Variants in PAQR5 observed in about 807,000 individuals in gnomAD.
PAQR5 encodes membrane progestin receptor gamma.
PAQR5 carries 20 observed loss-of-function variants against 34.5 expected under a neutral mutation model. The observed-to-expected ratio is 0.58, with a 90% confidence interval of 0.41 to 0.84. PAQR5 has a LOEUF of 0.84. PAQR5 is among the 40% of genes least tolerant of loss of function. The probability of loss-of-function intolerance (pLI) is 0.00; values close to 1 mark genes in which losing one functional copy is unlikely to be tolerated. For missense variants in PAQR5, 378 were observed against 412.7 expected, an observed-to-expected ratio of 0.92 and a Z score of 0.73; for synonymous variants, 131 against 155.6, an observed-to-expected ratio of 0.84 and a Z score of 1.18.
In PAQR5 at chr15:69,380,088, T is replaced by A. The variant is rs983337578; in HGVS notation, c.179+78T>A. On this transcript the variant is annotated intron_variant, in intron 4 of 8. Transcript: ENST00000395407. ...AGGGTGTCTTAAAACATGGCTAGTG[T>A]TGAGAGGGCTGAGATTCTGTGCTGG... 4.0e-5 allele frequency: 60 copies of A among 1,491,438 alleles called. No homozygotes were observed. In the African/African-American group the frequency reaches 8.1e-4, roughly 20 times the overall value. 92.4% of individuals were successfully genotyped at this position (1,491,438 alleles called of 1,614,324 possible).
At chr15:69,339,170 A>ACCCCCCCC (rs55878437) in intron 2 of PAQR5, among the ~76,000 whole-genome samples, 2 of 137,142 alleles carry the variant, frequency 1.5e-5, no homozygotes, top group African/African-American at 2.6e-5. Context: ...CACTGGCTAC[A>ACCCCCCCC]CCCCCCACCC....
In PAQR5 at chr15:69,385,410, G is replaced by A. The variant is rs1296130006; in HGVS notation, c.385+528G>A. Among the ~76,000 whole-genome samples the A allele has an allele frequency of 6.6e-6, 1 of 152,202 alleles. No homozygotes were observed. The highest frequency in any genetic ancestry group is 2.4e-5 in the African/African-American group (1 of 41,428). ...TGCTGGTCTCTGTCATGCCAGGCAA[G>A]AAGAGGAGGGTGAGGTCATGAGCCT... On this transcript the variant is annotated intron_variant, in intron 5 of 8. Coordinates refer to ENST00000395407, the MANE Select transcript of PAQR5 (RefSeq NM_017705.4). This position sits in a 1 kb window ranked among gnomAD's most constrained non-coding sequence, Gnocchi z 4.7.
At chr15:69,303,818 G>A (rs1264405751) in intron 1 of PAQR5, among the ~76,000 whole-genome samples, 3 of 152,136 alleles carry the variant, frequency 2.0e-5, no homozygotes, top group African/African-American at 4.8e-5. Flanking sequence ...TGCTCAGCAC[G>A]CCCCCCACAG....
At chr15:69,377,316 A>G (rs2055734402) in intron 3 of PAQR5, among the ~76,000 whole-genome samples, 1 of 152,202 alleles carries the variant, frequency 6.6e-6, no homozygotes, top group South Asian at 2.1e-4. Context: ...GTCCTCCTCC[A>G]CAGGATCAAA....
intron 3 of PAQR5, among the ~76,000 whole-genome samples, chr15:69,363,610 T>C (rs2055306075): frequency 2.1e-5 from 3 of 142,418 alleles, no homozygotes; most frequent in African/African-American, 7.7e-5. Context: ...GCAGTGGCAC[T>C]ATCATGACTC....
chr15:69,368,960 G>C (rs1216892337), intron 3 of PAQR5, among the ~76,000 whole-genome samples: 1 of 152,082 alleles, frequency 6.6e-6, no homozygotes, highest in African/African-American at 2.4e-5. Flanking sequence ...GTAGAGATGA[G>C]GGTGTCTCAC....
At chr15:69,352,201 C>T (rs937221759) in intron 2 of PAQR5, among the ~76,000 whole-genome samples, 7 of 152,134 alleles carry the variant, frequency 4.6e-5, no homozygotes, top group South Asian at 4.1e-4. Context: ...AAGGCCTTGC[C>T]GTCATCCACA....
At chr15:69,349,334 G>GC (rs1270438420) in intron 2 of PAQR5, among the ~76,000 whole-genome samples, 2 of 152,168 alleles carry the variant, frequency 1.3e-5, no homozygotes, top group African/African-American at 4.8e-5. Context: ...GTGAGTCCCA[G>GC]CAGGCCCCTG....
At chr15:69,389,606 T>A (rs556001808) in intron 5 of PAQR5, 48 bp from the exon 6 acceptor site, 2 of 1,611,916 alleles carry the variant, frequency 1.2e-6, no homozygotes, top group African/African-American at 2.7e-5. Context: ...GGGGCCCATG[T>A]GGTGCCAAGG....
intron 1 of PAQR5, among the ~76,000 whole-genome samples, chr15:69,319,448 G>C (rs2054044285): frequency 6.6e-6 from 1 of 151,580 alleles, no homozygotes; most frequent in South Asian, 2.1e-4. Flanking sequence ...GCTCAGAGCA[G>C]TTGTTCCCTC....
intron 1 of PAQR5, among the ~76,000 whole-genome samples, chr15:69,324,734 C>G (rs1015960746): frequency 2.6e-5 from 4 of 152,098 alleles, no homozygotes; most frequent in African/African-American, 9.7e-5. Flanking sequence ...ACTCTGGCCT[C>G]CTGCCACTCC....
chr15:69,400,130 G>A lies in PAQR5; in HGVS notation c.751+15G>A. On this transcript the variant is annotated intron_variant, in intron 8 of 8. Transcript: ENST00000395407. Reference sequence around the variant, plus strand: ...TGACTACATCGGTGAGTGGGCAACAGCCCTGCTGCTCTGCTCATTGCCCTC... The same window carrying A: ...TGACTACATCGGTGAGTGGGCAACAACCCTGCTGCTCTGCTCATTGCCCTC... The A allele has an allele frequency of 6.2e-7, 1 of 1,608,652 alleles. No individual in the cohort carries two copies. Among genetic ancestry groups the A allele is most frequent in the Non-Finnish European group, 8.5e-7 (1 of 1,177,262 alleles).
intron 1 of PAQR5, among the ~76,000 whole-genome samples, chr15:69,328,934 G>A (rs1595860030): frequency 1.3e-5 from 2 of 152,354 alleles, no homozygotes; most frequent in African/African-American, 4.8e-5. Flanking sequence ...CCAGTTTCCA[G>A]GGTGGGGCAG....
At chr15:69,341,795 A>G (rs1307585031) in intron 2 of PAQR5, among the ~76,000 whole-genome samples, 1 of 151,946 alleles carries the variant, frequency 6.6e-6, no homozygotes, top group Non-Finnish European at 1.5e-5. Flanking sequence ...AAATACAAAA[A>G]TTAGATGGTG....
intron 6 of PAQR5, among the ~76,000 whole-genome samples, chr15:69,395,814 G>A (rs901043301): frequency 3.3e-5 from 5 of 152,028 alleles, no homozygotes; most frequent in African/African-American, 1.2e-4. Context: ...CCTTCTCCTT[G>A]AGCTTCTCAC....
intron 4 of PAQR5, among the ~76,000 whole-genome samples, chr15:69,383,356 A>AGCGGGCCCTCC (rs2055975895): frequency 2.2e-5 from 3 of 137,030 alleles, no homozygotes; most frequent in South Asian, 2.3e-4. Context: ...GTGGAGGGTG[A>AGCGGGCCCTCC]GTGGGCCTTT....
intron 2 of PAQR5, among the ~76,000 whole-genome samples, chr15:69,340,346 G>A (rs2054612025): frequency 6.6e-6 from 1 of 152,062 alleles, no homozygotes. Flanking sequence ...GATATTTTCT[G>A]TCTATTCTTT....
At chr15:69,324,818 C>T (rs2054208494) in intron 1 of PAQR5, among the ~76,000 whole-genome samples, 1 of 152,158 alleles carries the variant, frequency 6.6e-6, no homozygotes, top group South Asian at 2.1e-4. Flanking sequence ...CTCCATGGCC[C>T]TGTCCTGCTA....
intron 1 of PAQR5, among the ~76,000 whole-genome samples, chr15:69,325,114 G>A (rs1365115210): frequency 1.3e-5 from 2 of 152,238 alleles, no homozygotes; most frequent in East Asian, 3.9e-4. Context: ...GGCCAGGCTG[G>A]TCTTGAACTC....
Sources: allele counts gnomAD v4.1 joint callset (sites outside exome capture counted in the v4.1 genomes callset), GRCh38; gene constraint gnomAD v4.1.1; non-coding constraint Gnocchi (gnomAD v3.1); transcripts MANE v1.5; gene names NCBI Gene and HGNC (gene_info 2026-07-23, HGNC 2026-07-21).